The following RHBDD1 variants were observed in gnomAD, a reference collection of about 807,000 sequenced individuals.
RHBDD1 encodes the protein rhomboid-related protein 4.
A neutral mutation model predicts 36.3 loss-of-function variants in RHBDD1; 38 were observed. That is an observed-to-expected ratio of 1.05 (90% CI 0.81 to 1.37). The LOEUF is 1.37. Ranked by LOEUF, RHBDD1 falls within the 40% of genes most tolerant of loss-of-function variation. The probability of loss-of-function intolerance (pLI) is 0.00; values close to 1 mark genes in which losing one functional copy is unlikely to be tolerated. For missense variants in RHBDD1, 393 were observed against 377.6 expected (o/e 1.04, Z -0.34); for synonymous variants, 151 against 136.5 (o/e 1.11, Z -0.74).
intron 5 of RHBDD1, among the ~76,000 whole-genome samples, chr2:226,897,694 G>A (rs577116204): frequency 5.9e-5 from 9 of 152,234 alleles, no homozygotes; most frequent in African/African-American, 1.7e-4. Flanking sequence ...GCTCTGGGCC[G>A]GGTGTGGTGG....
At chr2:226,800,979 A>G in the RHBDD1 span, among the ~76,000 whole-genome samples, 1 of 152,140 alleles carries the variant, frequency 6.6e-6, no homozygotes, top group Non-Finnish European at 1.5e-5. Flanking sequence ...TTTATTTTTT[A>G]AGCCGACCTA....
intron 8 of RHBDD1, among the ~76,000 whole-genome samples, chr2:226,938,085 C>T (rs1950450361): frequency 6.6e-6 from 1 of 152,074 alleles, no homozygotes; most frequent in Non-Finnish European, 1.5e-5. Context: ...CCTTTTTCTC[C>T]ACAATCTCGC....
At chr2:226,862,354 T>C (rs916525596) in intron 3 of RHBDD1, among the ~76,000 whole-genome samples, 3 of 126,600 alleles carry the variant, frequency 2.4e-5, no homozygotes, top group Non-Finnish European at 3.4e-5. Context: ...GAATCCTGCC[T>C]TTTTTTTTTT....
chr2:226,809,896 T>C, the RHBDD1 span, among the ~76,000 whole-genome samples: 13 of 152,204 alleles, frequency 8.5e-5, no homozygotes, highest in East Asian at 2.3e-3. Flanking sequence ...AGTTGGAAAA[T>C]GTGAAATAAA....
chr2:226,808,879 A>C, the RHBDD1 span, among the ~76,000 whole-genome samples: 2 of 151,698 alleles, frequency 1.3e-5, no homozygotes, highest in Admixed American at 6.6e-5. Flanking sequence ...AAAAAAAAAA[A>C]CTTGTAGTCA....
chr2:226,909,576 A>T (rs1012095498), intron 7 of RHBDD1, among the ~76,000 whole-genome samples: 1 of 152,102 alleles, frequency 6.6e-6, no homozygotes, highest in Non-Finnish European at 1.5e-5. Context: ...TGATGATTTT[A>T]GTAGGGTAGG....
intron 7 of RHBDD1, 115 bp from the exon 8 acceptor site, chr2:226,914,093 T>C: frequency 2.2e-6 from 2 of 925,984 alleles, no homozygotes; most frequent in South Asian, 1.8e-5. Context: ...TTGAGGATAA[T>C]TATTATACCT....
At chr2:226,853,745 A>G (rs1943059807) in intron 3 of RHBDD1, among the ~76,000 whole-genome samples, 2 of 152,244 alleles carry the variant, frequency 1.3e-5, no homozygotes, top group Admixed American at 1.3e-4. Context: ...GTGGTGAGAG[A>G]GTCCATGTGA....
At position 226,951,839 on chromosome 2, in the gene RHBDD1, C is replaced by T. The variant is rs548051085; in HGVS notation, c.856+37488C>T. On this transcript the variant is annotated intron_variant, in intron 8 of 8. Transcript: ENST00000392062. Reference sequence around the variant, plus strand: ...ACAAAAGAGAATAACCTTTGTTGTCCGACATGTTTCAGTGAATTAATGGAG... The same window carrying T: ...ACAAAAGAGAATAACCTTTGTTGTCTGACATGTTTCAGTGAATTAATGGAG... Among the ~76,000 whole-genome samples the T allele has an allele frequency of 7.2e-5, 11 of 152,236 alleles. No individual in the cohort carries two copies. The East Asian group carries it at 1.2e-3, about 16-fold the overall frequency.
intron 3 of RHBDD1, among the ~76,000 whole-genome samples, chr2:226,842,749 G>T (rs1941801349): frequency 6.6e-6 from 1 of 152,162 alleles, no homozygotes; most frequent in African/African-American, 2.4e-5. Context: ...TTTTTGCTAA[G>T]AATTGTTTTG....
At chr2:226,921,584 A>G (rs982713617) in intron 8 of RHBDD1, among the ~76,000 whole-genome samples, 5 of 152,148 alleles carry the variant, frequency 3.3e-5, no homozygotes, top group African/African-American at 1.2e-4. Context: ...TAATTTCCTC[A>G]TTAACCCACT....
At chr2:226,988,276 TGTAA>T in intron 8 of RHBDD1, 1 of 1,516,238 alleles carries the variant, frequency 6.6e-7, no homozygotes, top group South Asian at 1.3e-5. Context: ...AGGAGGCCAC[TGTAA>T]GTCTCTTCCC....
chr2:226,860,747 G>A (rs916835152), intron 3 of RHBDD1, among the ~76,000 whole-genome samples: 2 of 152,140 alleles, frequency 1.3e-5, no homozygotes, highest in African/African-American at 4.8e-5. Context: ...CCTACACTGG[G>A]ACTCTAATGG....
intron 8 of RHBDD1, among the ~76,000 whole-genome samples, chr2:226,983,533 T>G (rs1415130903): frequency 6.6e-6 from 1 of 152,200 alleles, no homozygotes; most frequent in Non-Finnish European, 1.5e-5. Context: ...CAGGGTGACC[T>G]AAACTTGACC....
Position 226,871,894 on chromosome 2 carries a change from G to A in RHBDD1, c.566+4576G>A, listed in dbSNP as rs557676087. 9.2e-5 allele frequency among the ~76,000 whole-genome samples: 14 copies of A among 152,324 alleles called. No individual in the cohort carries two copies. In the South Asian group the frequency reaches 2.7e-3, roughly 29 times the overall value. ...GGTTAAGGTAGTCTCCATTATAAGG[G>A]CACCTTTATCCCTTTGGAATTAGCA... On this transcript the variant is annotated intron_variant, in intron 5 of 8. Coordinates refer to ENST00000392062, the MANE Select transcript of RHBDD1 (RefSeq NM_001167608.3).
intron 8 of RHBDD1, among the ~76,000 whole-genome samples, chr2:226,949,476 G>T (rs1951268082): frequency 1.3e-5 from 2 of 152,146 alleles, no homozygotes. Flanking sequence ...GGCTGACATA[G>T]GTCCCATAGC....
upstream of RHBDD1, among the ~76,000 whole-genome samples, chr2:226,833,912 A>G (rs1940804897): frequency 6.6e-6 from 1 of 152,228 alleles, no homozygotes; most frequent in Non-Finnish European, 1.5e-5. Flanking sequence ...TAAAAAACCC[A>G]GTCTGCTCAA....
At chr2:226,913,880 C>T (rs1244387877) in intron 7 of RHBDD1, among the ~76,000 whole-genome samples, 1 of 152,152 alleles carries the variant, frequency 6.6e-6, no homozygotes. Context: ...GAAAACTCTC[C>T]AAGTATTGAA....
At chr2:226,857,935 C>T (rs1343630202) in intron 3 of RHBDD1, among the ~76,000 whole-genome samples, 3 of 152,026 alleles carry the variant, frequency 2.0e-5, no homozygotes, top group Non-Finnish European at 4.4e-5. Context: ...AGTTATATTT[C>T]GGCTTTTAAA....
Sources: gnomAD v4.1 joint callset for allele counts (sites outside exome capture counted in the v4.1 genomes callset) on GRCh38, gnomAD v4.1.1 for gene constraint, MANE v1.5 for transcripts, NCBI Gene and HGNC (gene_info 2026-07-23, HGNC 2026-07-21) for gene names.